The following ZP3 variants were observed in gnomAD, a reference collection of about 807,000 sequenced individuals.
The protein encoded by ZP3 is zona pellucida glycoprotein 3, also known as zona pellucida sperm-binding protein 3.
In ZP3, 21 loss-of-function variants were observed where a neutral mutation model predicts 35.6. The ratio of observed to expected loss-of-function variants is 0.59; its 90% CI spans 0.42 to 0.85. The LOEUF (loss-of-function observed/expected upper bound fraction) is 0.85, where lower values mean the gene tolerates loss of function less well. Among genes scored for constraint, ZP3 ranks in the 40% least tolerant of loss-of-function variants. The pLI, the probability that ZP3 is intolerant of heterozygous loss-of-function variation, is 0.00. For missense variants in ZP3, 437 were observed against 536.5 expected, an observed-to-expected ratio of 0.81 and a Z score of 1.83; for synonymous variants, 207 against 214.5, an observed-to-expected ratio of 0.96 and a Z score of 0.31.
chr7:76,408,177 A>G (rs112701902), intron 1 of ZP3, among the ~76,000 whole-genome samples: 12,010 of 152,064 alleles, frequency 0.079, 661 homozygotes, highest in Middle Eastern at 0.17. Context: ...GCTCCCCACC[A>G]TCCCTCCAAC....
At chr7:76,408,619 G>A (rs1449205801) in intron 1 of ZP3, among the ~76,000 whole-genome samples, 1 of 152,102 alleles carries the variant, frequency 6.6e-6, no homozygotes, top group African/African-American at 2.4e-5. Context: ...GCGTGAGGGA[G>A]AAGGACCCCC....
upstream of ZP3, among the ~76,000 whole-genome samples, chr7:76,420,554 A>G (rs1304546107): frequency 6.6e-6 from 1 of 152,062 alleles, no homozygotes; most frequent in Non-Finnish European, 1.5e-5. Flanking sequence ...CTGCCAATAC[A>G]GTTTTGTTAA....
At chr7:76,426,441 C>T (rs1480634134) in intron 1 of ZP3, among the ~76,000 whole-genome samples, 2 of 152,172 alleles carry the variant, frequency 1.3e-5, no homozygotes, top group African/African-American at 4.8e-5. Context: ...AGTAGCTTGC[C>T]TGGGATGGGG....
At chr7:76,416,915 C>CAT (rs966758180) in intron 1 of ZP3, among the ~76,000 whole-genome samples, 20 of 134,104 alleles carry the variant, frequency 1.5e-4, no homozygotes, top group East Asian at 4.2e-4. Context: ...TGTATACATA[C>CAT]ATATATATAC....
chr7:76,422,709 A>G (rs1307387587), upstream of ZP3, among the ~76,000 whole-genome samples: 1 of 146,954 alleles, frequency 6.8e-6, no homozygotes, highest in African/African-American at 2.5e-5. Context: ...AAAGAAATTA[A>G]CATGAGGGCC....
intron 1 of ZP3, among the ~76,000 whole-genome samples, chr7:76,415,519 A>T (rs1302386595): frequency 6.6e-6 from 1 of 151,246 alleles, no homozygotes; most frequent in African/African-American, 2.4e-5. Flanking sequence ...TTTGAGACAG[A>T]GTCTCGCTTT....
In ZP3 at chr7:76,398,784, C is replaced by T. The variant is rs373855717; in HGVS notation, c.-67+987C>T. The T allele has an allele frequency of 4.3e-6, 7 of 1,612,458 alleles. No homozygotes were observed. In the African/African-American group the frequency reaches 6.7e-5, roughly 15 times the overall value. ...TTAACATCTTCCTTGTTGGGGGCTG[C>T]GTTGGCAAGAATTCTGGAAAGGAAG... On this transcript the variant is annotated intron_variant, in intron 1 of 8. Transcript: ENST00000336517.
upstream of ZP3, among the ~76,000 whole-genome samples, chr7:76,421,658 A>C (rs894008347): frequency 8.0e-5 from 12 of 150,772 alleles, no homozygotes; most frequent in African/African-American, 2.9e-4. Flanking sequence ...GCAGTGGCGC[A>C]ATCTCGGCTC....
At chr7:76,423,018 AG>A, upstream of ZP3, among the ~76,000 whole-genome samples, 1 of 91,468 alleles carries the variant, frequency 1.1e-5, no homozygotes, top group Non-Finnish European at 2.2e-5. Context: ...AGAGAGAGAG[AG>A]AGAGAGAGAA....
intron 1 of ZP3, among the ~76,000 whole-genome samples, chr7:76,399,546 G>GT (rs1384681189): frequency 2.7e-5 from 4 of 150,162 alleles, no homozygotes; most frequent in African/African-American, 9.8e-5. Context: ...TTTTTTCTTT[G>GT]TTTTTCGAGA....
intron 1 of ZP3, among the ~76,000 whole-genome samples, chr7:76,427,509 C>T (rs1805703404): frequency 8.5e-6 from 1 of 117,228 alleles, no homozygotes; most frequent in African/African-American, 3.4e-5. Flanking sequence ...GAGTGAGACT[C>T]CGTCTCAAAA....
intron 1 of ZP3, among the ~76,000 whole-genome samples, chr7:76,413,012 G>C (rs1805287520): frequency 7.1e-6 from 1 of 140,180 alleles, no homozygotes; most frequent in African/African-American, 2.7e-5. Flanking sequence ...GCCCAGGCTG[G>C]AGTGCAATGA....
intron 5 of ZP3, 98 bp from the exon 6 acceptor site, chr7:76,440,152 T>A (rs1474226970): frequency 4.0e-5 from 59 of 1,480,392 alleles, no homozygotes; most frequent in Admixed American, 6.5e-5. Context: ...CGGCCCCTTC[T>A]CACTCTTTAA....
chr7:76,418,584 C>T (rs1404110397), intron 1 of ZP3, among the ~76,000 whole-genome samples: 9 of 129,434 alleles, frequency 7.0e-5, no homozygotes, highest in Non-Finnish European at 1.1e-4. Flanking sequence ...AGGCTGGGCA[C>T]AGTGGCTCAC....
chr7:76,424,481 T>A (rs549845775), upstream of ZP3, among the ~76,000 whole-genome samples: 1 of 152,006 alleles, frequency 6.6e-6, no homozygotes, highest in Non-Finnish European at 1.5e-5. Flanking sequence ...ATACAAAAAT[T>A]AGCCAGGCGC....
At chr7:76,438,473 G>A (rs1258470411) in intron 5 of ZP3, among the ~76,000 whole-genome samples, 32 of 146,564 alleles carry the variant, frequency 2.2e-4, no homozygotes, top group African/African-American at 7.6e-5. Flanking sequence ...CAAGAGAATC[G>A]CTTAAACCTC....
chr7:76,400,611 G>T, intron 1 of ZP3: 1 of 1,433,782 alleles, frequency 7.0e-7, no homozygotes. Flanking sequence ...GGGTGGAGCT[G>T]GCACCAGGGG....
chr7:76,433,859 T>G (rs1018443073), intron 4 of ZP3, 179 bp from the exon 5 acceptor site: 1 of 1,142,328 alleles, frequency 8.8e-7, no homozygotes, highest in African/African-American at 1.5e-5. Context: ...TCACCATGCC[T>G]GGCTAATTTT....
chr7:76,426,126 G>A (rs1805644005), intron 1 of ZP3, among the ~76,000 whole-genome samples: 3 of 151,832 alleles, frequency 2.0e-5, no homozygotes, highest in Admixed American at 1.3e-4. Flanking sequence ...GTATGGGGGC[G>A]GGGGCATCAT....
Sources: allele counts gnomAD v4.1 joint callset (sites outside exome capture counted in the v4.1 genomes callset), GRCh38; gene constraint gnomAD v4.1.1; transcripts MANE v1.5; gene names NCBI Gene and HGNC (gene_info 2026-07-23, HGNC 2026-07-21).